The following KMO variants were observed in gnomAD, a reference collection of about 807,000 sequenced individuals.
The protein encoded by KMO is kynurenine 3-monooxygenase.
KMO carries 24 observed loss-of-function variants against 57.8 expected under a neutral mutation model. The ratio of observed to expected loss-of-function variants is 0.42; its 90% CI spans 0.30 to 0.58. The LOEUF is 0.58. KMO is among the 20% of genes least tolerant of loss of function. KMO has a pLI of 0.22. For synonymous variants in KMO, 210 were observed against 193.6 expected (o/e 1.08, Z -0.70); for missense variants, 483 against 588.2 (o/e 0.82, Z 1.85).
intron 2 of KMO, among the ~76,000 whole-genome samples, chr1:241,549,270 G>GGA (rs1661298671): frequency 5.5e-5 from 2 of 36,284 alleles, no homozygotes; most frequent in African/African-American, 9.3e-5. Flanking sequence ...AGAAAGAAAG[G>GGA]AAGGAAGAAA....
Position 241,589,561 on chromosome 1 carries a change from T to A in KMO, c.1099-451T>A, listed in dbSNP as rs141727297. Reference sequence around the variant, plus strand: ...GGCTTTATTGATGTATCTTGTCTTCTCCTTTAAAAACGGGATGGCTACGAC... The same window carrying A: ...GGCTTTATTGATGTATCTTGTCTTCACCTTTAAAAACGGGATGGCTACGAC... On this transcript the variant is annotated intron_variant, in intron 12 of 14. Transcript: ENST00000366559. 2.8e-3 allele frequency among the ~76,000 whole-genome samples: 422 copies of A among 152,294 alleles called. 1 individual carries two copies. Among genetic ancestry groups the A allele is most frequent in the Non-Finnish European group, 5.1e-3 (350 of 68,022 alleles).
At chr1:241,555,891 G>A (rs957937710) in intron 5 of KMO, 16 of 366,510 alleles carry the variant, frequency 4.4e-5, no homozygotes, top group South Asian at 1.5e-4. Flanking sequence ...TTTGAGACCC[G>A]CCTGGGCAAC....
At chr1:241,543,273 T>C (rs1392932536) in intron 1 of KMO, among the ~76,000 whole-genome samples, 1 of 152,172 alleles carries the variant, frequency 6.6e-6, no homozygotes, top group African/African-American at 2.4e-5. Context: ...TTATATATAG[T>C]TTTATCCTAT....
At chr1:241,543,261 C>T (rs1661020068) in intron 1 of KMO, among the ~76,000 whole-genome samples, 3 of 152,116 alleles carry the variant, frequency 2.0e-5, no homozygotes, top group Non-Finnish European at 4.4e-5. Context: ...TCCCTTGCCT[C>T]TTTATATATA....
Position 241,541,011 on chromosome 1 carries a change from T to G in KMO, c.55-7818T>G, listed in dbSNP as rs567787976. ...AGGAGTTCAAGGTTGCAGTGAACTATGATCTCAGCCTTGCATGCCTGCCTG... is the reference window on the plus strand; with the variant it reads ...AGGAGTTCAAGGTTGCAGTGAACTAGGATCTCAGCCTTGCATGCCTGCCTG... On this transcript the variant is annotated intron_variant, in intron 1 of 14. Coordinates refer to ENST00000366559, the MANE Select transcript of KMO (RefSeq NM_003679.5). Among the ~76,000 whole-genome samples, 3 of 152,304 alleles carry G rather than the reference T, an allele frequency of 2.0e-5. No homozygotes were observed. The South Asian group carries it at 6.2e-4, about 32-fold the overall frequency.
At chr1:241,566,321 C>A (rs1662076085) in intron 8 of KMO, among the ~76,000 whole-genome samples, 170 bp from the exon 9 acceptor site, 1 of 152,160 alleles carries the variant, frequency 6.6e-6, no homozygotes, top group Non-Finnish European at 1.5e-5. Flanking sequence ...CTTTGCAGAG[C>A]TTTTCTTTGG....
At position 241,544,639 on chromosome 1, in the gene KMO, G is replaced by GA. The variant is rs565113729; in HGVS notation, c.55-4184dup. ...AAATACAATTTGCCACATTTGTCAA[G>GA]AAAAAATTAATCTTTTTCATGTGTG... On this transcript the variant is annotated intron_variant, in intron 1 of 14. Coordinates refer to ENST00000366559, the MANE Select transcript of KMO (RefSeq NM_003679.5). Among the ~76,000 whole-genome samples the GA allele has an allele frequency of 5.1e-4, 78 of 152,214 alleles. No homozygotes were observed. In the South Asian group the frequency reaches 0.015, roughly 29 times the overall value.
chr1:241,588,794 C>T lies in KMO; in HGVS notation c.1062C>T (p.His354=), dbSNP rs147851516. 74 of 1,613,454 alleles carry T rather than the reference C, an allele frequency of 4.6e-5. No homozygotes were observed. The highest frequency in any genetic ancestry group is 3.8e-4 in the East Asian group (17 of 44,798). ...CAAGATTGAGAATCCCAGATGATCA[C>T]GCGATTTCAGACCTATCCATGTACA... The part of the protein sequence containing the change: ...VFSRLRIPDD[H]AISDLSMYNY... The change falls in exon 12 of 15, where the codon CAC becomes CAT. Residue 354 remains histidine, a synonymous_variant. Coordinates refer to ENST00000366559, the MANE Select transcript of KMO (RefSeq NM_003679.5).
At chr1:241,548,713 A>G (rs1573908535) in intron 1 of KMO, 116 bp from the exon 2 acceptor site, 1 of 588,598 alleles carries the variant, frequency 1.7e-6, no homozygotes, top group East Asian at 3.1e-5. Context: ...GTAAAATATG[A>G]CCACACACAA....
At chr1:241,567,641 G>A (rs1196868981) in intron 9 of KMO, among the ~76,000 whole-genome samples, 2 of 152,192 alleles carry the variant, frequency 1.3e-5, no homozygotes, top group Non-Finnish European at 2.9e-5. Flanking sequence ...GGGCATTTGT[G>A]AAAATTAAAT....
At chr1:241,555,781 A>T in intron 5 of KMO, 121 bp downstream of exon 5, 1 of 608,278 alleles carries the variant, frequency 1.6e-6, no homozygotes, top group Non-Finnish European at 3.0e-6. Context: ...GAGCAAGACT[A>T]TGTACACTAC....
At chr1:241,553,026 GATAAA>G (rs769608909) in intron 4 of KMO, among the ~76,000 whole-genome samples, 1 of 152,170 alleles carries the variant, frequency 6.6e-6, no homozygotes, top group Non-Finnish European at 1.5e-5. Context: ...ATTGAGAATA[GATAAA>G]ATAAACTTTT....
At position 241,594,936 on chromosome 1, in the gene KMO, C is replaced by T. The variant is rs1280985001; in HGVS notation, c.*2783C>T. 2 of 436,506 alleles carry T rather than the reference C, an allele frequency of 4.6e-6. No individual in the cohort carries two copies. The highest frequency in any genetic ancestry group is 2.0e-5 in the African/African-American group (1 of 50,340). The allele number at this position is 436,506 out of a possible 1,614,324, so 27.0% of individuals were successfully genotyped here. A position where few individuals can be genotyped will look rare whatever the true frequency, so the allele number is the denominator to read the frequency against. On this transcript the variant is annotated 3_prime_UTR_variant, in exon 15 of 15. Coordinates refer to ENST00000366559, the MANE Select transcript of KMO (RefSeq NM_003679.5). ...TTTCAATACCTTGTAATCCTCCAAG[C>T]TTCAATCTGCACACACTTTCTATGA...
At chr1:241,554,933 G>A (rs986107682) in intron 4 of KMO, among the ~76,000 whole-genome samples, 3 of 151,196 alleles carry the variant, frequency 2.0e-5, no homozygotes, top group Admixed American at 2.0e-4. Flanking sequence ...AGTGAGCTGA[G>A]ATCTCACCAT....
intron 10 of KMO, among the ~76,000 whole-genome samples, chr1:241,573,456 G>A (rs1342953578): frequency 6.6e-6 from 1 of 152,134 alleles, no homozygotes; most frequent in Admixed American, 6.6e-5. Context: ...TTTGTGTAAA[G>A]TGAGAGACAG....
chr1:241,586,878 T>C (rs1573940364), intron 11 of KMO, 142 bp downstream of exon 11: 1 of 627,580 alleles, frequency 1.6e-6, no homozygotes, highest in East Asian at 2.8e-5. Context: ...CTACTAATAG[T>C]CTATGCCACC....
At chr1:241,553,084 T>TA (rs1165801597) in intron 4 of KMO, among the ~76,000 whole-genome samples, 16 of 152,228 alleles carry the variant, frequency 1.1e-4, no homozygotes, top group Admixed American at 2.6e-4. Context: ...ACTAATGTCT[T>TA]ACAGATCTCC....
intron 3 of KMO, 127 bp downstream of exon 3, chr1:241,549,901 C>T: frequency 1.5e-6 from 1 of 675,694 alleles, no homozygotes; most frequent in Non-Finnish European, 2.5e-6. Context: ...ACTCATTCTA[C>T]TAAAGCTTTT....
At chr1:241,579,155 G>T (rs1193832236) in intron 10 of KMO, among the ~76,000 whole-genome samples, 1 of 152,110 alleles carries the variant, frequency 6.6e-6, no homozygotes. Context: ...CTGAGTGCAG[G>T]TTATTCTACC....
Sources: gnomAD v4.1 joint callset for allele counts (sites outside exome capture counted in the v4.1 genomes callset) on GRCh38, gnomAD v4.1.1 for gene constraint, MANE v1.5 for transcripts, NCBI Gene and HGNC (gene_info 2026-07-23, HGNC 2026-07-21) for gene names.